SLC30A8: variants seen among roughly 807,000 people sequenced by gnomAD.
The protein encoded by SLC30A8 is solute carrier family 30 member 8.
A neutral mutation model predicts 36.9 loss-of-function variants in SLC30A8; 27 were observed. The ratio of observed to expected loss-of-function variants is 0.73; its 90% CI spans 0.54 to 1.01. The LOEUF (loss-of-function observed/expected upper bound fraction) is 1.01. Among genes scored for constraint, SLC30A8 ranks in the 50% least tolerant of loss-of-function variants. SLC30A8 has a pLI of 0.00. For missense variants in SLC30A8, 439 were observed against 452.0 expected, an observed-to-expected ratio of 0.97 and a Z score of 0.26; for synonymous variants, 164 against 172.4, an observed-to-expected ratio of 0.95 and a Z score of 0.38.
At chr8:116,992,637 G>A (rs1042346008) in intron 1 of SLC30A8, among the ~76,000 whole-genome samples, 1 of 152,148 alleles carries the variant, frequency 6.6e-6, no homozygotes, top group Non-Finnish European at 1.5e-5. Context: ...TCTCTATGAG[G>A]AGCTTATCAG....
intron 1 of SLC30A8, among the ~76,000 whole-genome samples, chr8:117,022,462 C>T (rs1471629194): frequency 6.6e-6 from 1 of 152,024 alleles, no homozygotes; most frequent in East Asian, 1.9e-4. Context: ...TCTTATAAAC[C>T]AGAGATCACT....
At chr8:117,170,565 A>T (rs191192111) in intron 6 of SLC30A8, among the ~76,000 whole-genome samples, 22 of 152,258 alleles carry the variant, frequency 1.4e-4, no homozygotes, top group Admixed American at 1.4e-3. Flanking sequence ...TTGCTCCTCA[A>T]AGATCTCTGT....
chr8:117,010,105 T>C (rs1816299046), intron 1 of SLC30A8, among the ~76,000 whole-genome samples: 1 of 152,022 alleles, frequency 6.6e-6, no homozygotes, highest in African/African-American at 2.4e-5. Flanking sequence ...TGTAAAAAAA[T>C]TGGAGGAATT....
At chr8:117,149,871 G>A (rs1359383824) in intron 2 of SLC30A8, among the ~76,000 whole-genome samples, 1 of 152,164 alleles carries the variant, frequency 6.6e-6, no homozygotes, top group African/African-American at 2.4e-5. Flanking sequence ...CAGCAGCTCA[G>A]GGTTCAAGGT....
intron 3 of SLC30A8, among the ~76,000 whole-genome samples, chr8:117,156,997 G>A (rs769569343): frequency 6.6e-6 from 1 of 152,130 alleles, no homozygotes; most frequent in Non-Finnish European, 1.5e-5. Context: ...TTGAATTAAA[G>A]GTCAGAGTGA....
At chr8:117,041,871 G>A (rs1042677601) in intron 2 of SLC30A8, among the ~76,000 whole-genome samples, 1 of 152,066 alleles carries the variant, frequency 6.6e-6, no homozygotes, top group Admixed American at 6.6e-5. Flanking sequence ...TCTTCATCCC[G>A]CCATTCGGTG....
chr8:116,962,145 T>G (rs1814446236), intron 1 of SLC30A8, among the ~76,000 whole-genome samples: 1 of 152,022 alleles, frequency 6.6e-6, no homozygotes, highest in South Asian at 2.1e-4. Context: ...GAAGACAAAT[T>G]GTTTGCCATA....
chr8:117,102,185 T>C (rs1819753757), intron 2 of SLC30A8, among the ~76,000 whole-genome samples: 1 of 152,206 alleles, frequency 6.6e-6, no homozygotes, highest in African/African-American at 2.4e-5. Flanking sequence ...TCAATTTACT[T>C]GAATTTTAGC....
chr8:116,956,230 GTAAAGAT>G (rs1386348720), intron 1 of SLC30A8, among the ~76,000 whole-genome samples: 1 of 152,192 alleles, frequency 6.6e-6, no homozygotes, highest in Non-Finnish European at 1.5e-5. Context: ...TGTGCTTTGA[GTAAAGAT>G]TAAAGACTTA....
chr8:116,977,294 G>A (rs1466687446), intron 1 of SLC30A8, among the ~76,000 whole-genome samples: 5 of 146,884 alleles, frequency 3.4e-5, no homozygotes, highest in African/African-American at 5.0e-5. Context: ...GACTACAGGC[G>A]CCCGCCACCA....
intron 1 of SLC30A8, among the ~76,000 whole-genome samples, chr8:116,958,852 T>TC (rs1814311403): frequency 1.6e-5 from 2 of 128,592 alleles, no homozygotes; most frequent in East Asian, 4.3e-4. Flanking sequence ...TTTTTTTTTT[T>TC]TTTTTTTTTT....
At chr8:116,953,074 T>A in intron 1 of SLC30A8, among the ~76,000 whole-genome samples, 1 of 152,050 alleles carries the variant, frequency 6.6e-6, no homozygotes, top group East Asian at 1.9e-4. Flanking sequence ...CATTTTTGTG[T>A]CCATGAGTAC....
chr8:117,028,161 C>G (rs934676792), intron 1 of SLC30A8, among the ~76,000 whole-genome samples: 5 of 152,126 alleles, frequency 3.3e-5, no homozygotes, highest in Non-Finnish European at 7.4e-5. Context: ...TTTTAAATGA[C>G]ATTGTGATTT....
chr8:117,157,584 G>A, intron 3 of SLC30A8, 107 bp from the exon 4 acceptor site: 2 of 1,271,684 alleles, frequency 1.6e-6, no homozygotes, highest in South Asian at 1.5e-5. Flanking sequence ...GAACTAATGT[G>A]AAGCCTTTTT....
intron 1 of SLC30A8, among the ~76,000 whole-genome samples, chr8:116,995,956 C>T (rs935879296): frequency 3.3e-5 from 5 of 152,194 alleles, no homozygotes; most frequent in African/African-American, 4.8e-5. Context: ...TAGCCCTCTC[C>T]AGCACAAGCA....
intron 2 of SLC30A8, among the ~76,000 whole-genome samples, chr8:117,096,356 A>C (rs1819361784): frequency 6.6e-6 from 1 of 152,198 alleles, no homozygotes; most frequent in African/African-American, 2.4e-5. Context: ...ATTTGCTTCC[A>C]AATGATTGGA....
chr8:116,972,414 G>A (rs183877424), intron 1 of SLC30A8, among the ~76,000 whole-genome samples: 5 of 152,330 alleles, frequency 3.3e-5, no homozygotes, highest in East Asian at 3.9e-4. Flanking sequence ...GTGACTAACC[G>A]TGGAGGAATA....
chr8:117,102,709 C>T (rs1306545894), intron 2 of SLC30A8, among the ~76,000 whole-genome samples: 1 of 152,166 alleles, frequency 6.6e-6, no homozygotes, highest in African/African-American at 2.4e-5. Flanking sequence ...TCTTCTTCAT[C>T]TTTGCATGGC....
At chr8:117,029,251 C>CT in intron 1 of SLC30A8, among the ~76,000 whole-genome samples, 1 of 152,316 alleles carries the variant, frequency 6.6e-6, no homozygotes, top group Admixed American at 6.5e-5. Context: ...TTTGTATTGG[C>CT]TAAAAGGTGG....
Sources: allele counts gnomAD v4.1 joint callset (sites outside exome capture counted in the v4.1 genomes callset), GRCh38; gene constraint gnomAD v4.1.1; transcripts MANE v1.5; gene names NCBI Gene and HGNC (gene_info 2026-07-23, HGNC 2026-07-21).